The following BCOR variants were observed in gnomAD, a reference collection of about 807,000 sequenced individuals.
The protein encoded by BCOR is BCL-6 corepressor.
BCOR carries 10 observed loss-of-function variants against 86.7 expected under a neutral mutation model. The observed-to-expected ratio is 0.12, with a 90% confidence interval of 0.07 to 0.20. The LOEUF (loss-of-function observed/expected upper bound fraction) is 0.20, where lower values mean the gene tolerates loss of function less well. Among genes scored for constraint, BCOR ranks in the 10% least tolerant of loss-of-function variants. The pLI is 1.00. For missense variants in BCOR, 1,259 were observed against 1,452.1 expected (o/e 0.87, Z 2.16); for synonymous variants, 611 against 609.0 (o/e 1.00, Z -0.05).
At chrX:40,078,308 C>T (rs994542908) in intron 1 of BCOR, among the ~76,000 whole-genome samples, 1 of 112,540 alleles carries the variant, frequency 8.9e-6, no homozygotes, top group African/African-American at 3.2e-5. Flanking sequence ...TCATTCTTGC[C>T]ACTTGTTAAA....
At chrX:40,071,889 T>C (rs997750728) in intron 4 of BCOR, 199 bp from the exon 5 acceptor site, 1 of 413,994 alleles carries the variant, frequency 2.4e-6, no homozygotes, top group Non-Finnish European at 4.2e-6. Context: ...CTCTATCCCT[T>C]TAAGCAACCT....
In BCOR at chrX:40,073,489, G is replaced by C; in HGVS notation, c.1857C>G (p.Ala619=). The change falls in exon 4 of 15, where the codon GCC becomes GCG. Residue 619 remains alanine (A), a synonymous_variant. Transcript: ENST00000378444. Reference sequence around the variant, plus strand: ...CTTTGAAACTCGGTTCTGGGTTGCTGGCTTTGGCGCCCTTGCTGCTGGTGC... The same window carrying C: ...CTTTGAAACTCGGTTCTGGGTTGCTCGCTTTGGCGCCCTTGCTGCTGGTGC... ...SSSTSSKGAK[A]SNPEPSFKAN... The C allele has an allele frequency of 1.6e-6, 2 of 1,212,497 alleles. No homozygotes were observed. Among genetic ancestry groups the C allele is most frequent in the Non-Finnish European group, 2.2e-6 (2 of 895,697 alleles).
chrX:40,085,037 A>G (rs954223945), intron 1 of BCOR, among the ~76,000 whole-genome samples: 1 of 111,653 alleles, frequency 9.0e-6, no homozygotes, highest in South Asian at 3.8e-4. Context: ...GGGGCCCACG[A>G]ATTTTTGTAG....
At position 40,139,481 on chromosome X, in the gene BCOR, A is replaced by G. The variant is rs1937847044; in HGVS notation, c.-41+37526T>C. Among the ~76,000 whole-genome samples, 3 of 13,588 alleles carry G rather than the reference A, an allele frequency of 2.2e-4. 1 individual carries two copies. The highest frequency in any genetic ancestry group is 3.9e-3 in the South Asian group (1 of 254). 11.8% of individuals were successfully genotyped at this position (13,588 alleles called of 115,157 possible). On this transcript the variant is annotated intron_variant, in intron 1 of 14. Coordinates refer to the BCOR transcript ENST00000342274. ...CATATATATATATATATATATATAT[A>G]TATATATATATATATATTTTTTTTT... is the stretch of plus-strand genomic sequence containing the variant.
intron 6 of BCOR, among the ~76,000 whole-genome samples, chrX:40,070,553 C>A (rs1245690431): frequency 8.9e-6 from 1 of 111,842 alleles, no homozygotes; most frequent in African/African-American, 3.3e-5. Context: ...TCGTAACGCT[C>A]ATCTTTATGG....
intron 1 of BCOR, among the ~76,000 whole-genome samples, chrX:40,172,316 G>A (rs904559871): frequency 8.9e-6 from 1 of 112,439 alleles, no homozygotes; most frequent in Non-Finnish European, 1.9e-5. Flanking sequence ...GAGCGAACAG[G>A]TCCTCGCCAG....
upstream of BCOR, among the ~76,000 whole-genome samples, chrX:40,098,403 G>C (rs992725214): frequency 3.0e-4 from 33 of 110,445 alleles, no homozygotes; most frequent in African/African-American, 1.1e-3. Context: ...CACGTCCTGG[G>C]CGAGCCGGAG....
intron 1 of BCOR, among the ~76,000 whole-genome samples, chrX:40,086,193 C>T (rs889889814): frequency 2.7e-5 from 3 of 109,596 alleles, no homozygotes; most frequent in Non-Finnish European, 5.7e-5. Context: ...GAAACAGTGT[C>T]GAGTGCACAG....
At chrX:40,159,920 CAAGA>C (rs1938377188) in intron 1 of BCOR, among the ~76,000 whole-genome samples, 1 of 111,632 alleles carries the variant, frequency 9.0e-6, no homozygotes, top group Non-Finnish European at 1.9e-5. Flanking sequence ...AAAAATCTTA[CAAGA>C]AAGGAACTGC....
At chrX:40,080,850 G>A (rs1723503586) in intron 1 of BCOR, among the ~76,000 whole-genome samples, 2 of 102,049 alleles carry the variant, frequency 2.0e-5, no homozygotes, top group Non-Finnish European at 3.9e-5. Flanking sequence ...GTGTGTGTGT[G>A]TGTGTGTGTG....
chrX:40,121,804 GC>G (rs1333056093), intron 1 of BCOR, among the ~76,000 whole-genome samples: 8 of 112,124 alleles, frequency 7.1e-5, no homozygotes, highest in Non-Finnish European at 1.9e-5. Context: ...AAGTGCACAG[GC>G]CCTGAAGGAG....
At chrX:40,172,900 C>T (rs1334455971) in intron 1 of BCOR, among the ~76,000 whole-genome samples, 5 of 112,811 alleles carry the variant, frequency 4.4e-5, no homozygotes, top group Non-Finnish European at 9.4e-5. Context: ...TCCCCAGTCC[C>T]CAGTCACCTC....
At chrX:40,154,683 C>T (rs1323455334) in intron 1 of BCOR, among the ~76,000 whole-genome samples, 1 of 111,091 alleles carries the variant, frequency 9.0e-6, no homozygotes, top group Non-Finnish European at 1.9e-5. Context: ...ACCCCTCGTG[C>T]TGTTCCTTGT....
intron 1 of BCOR, among the ~76,000 whole-genome samples, chrX:40,151,736 C>T (rs750660865): frequency 8.9e-6 from 1 of 112,518 alleles, no homozygotes; most frequent in Non-Finnish European, 1.9e-5. Flanking sequence ...GTGGCGGCGG[C>T]GGCGGCTCCA....
intron 1 of BCOR, among the ~76,000 whole-genome samples, chrX:40,078,205 G>A (rs1291493833): frequency 1.8e-5 from 2 of 112,528 alleles, no homozygotes; most frequent in South Asian, 3.6e-4. Context: ...AGTTTAATTC[G>A]AAACAGGTAG....
intron 1 of BCOR, among the ~76,000 whole-genome samples, chrX:40,082,516 G>C (rs1936153563): frequency 9.0e-6 from 1 of 111,362 alleles, no homozygotes; most frequent in African/African-American, 3.3e-5. Flanking sequence ...AGGTTCGCAA[G>C]GGCTTCCAGC....
chrX:40,123,446 G>A (rs763507579), intron 1 of BCOR, among the ~76,000 whole-genome samples: 1 of 110,005 alleles, frequency 9.1e-6, no homozygotes, highest in Non-Finnish European at 1.9e-5. Flanking sequence ...TCCGCCTCCC[G>A]GGTTCAAGCG....
intron 1 of BCOR, among the ~76,000 whole-genome samples, chrX:40,138,173 A>G (rs975816799): frequency 2.7e-5 from 3 of 111,601 alleles, no homozygotes; most frequent in African/African-American, 9.8e-5. Context: ...GCTGGTCTCG[A>G]ACTCCCGACC....
At chrX:40,085,251 G>A (rs1936305080) in intron 1 of BCOR, among the ~76,000 whole-genome samples, 1 of 112,351 alleles carries the variant, frequency 8.9e-6, no homozygotes, top group East Asian at 2.8e-4. Context: ...CATTTGCTTG[G>A]GGGAAAAAAA....
Sources: gnomAD v4.1 joint callset for allele counts (sites outside exome capture counted in the v4.1 genomes callset) on GRCh38, gnomAD v4.1.1 for gene constraint, MANE v1.5 for transcripts, NCBI Gene and HGNC (gene_info 2026-07-23, HGNC 2026-07-21) for gene names.